Variants in SLC19A1 observed in about 807,000 individuals in gnomAD.
SLC19A1 encodes reduced folate transporter.
A neutral mutation model predicts 35.3 loss-of-function variants in SLC19A1; 37 were observed. The ratio of observed to expected loss-of-function variants is 1.05; its 90% CI spans 0.81 to 1.38. SLC19A1 has a LOEUF of 1.38. SLC19A1 is among the 40% of genes most tolerant of loss of function. The pLI, the probability that SLC19A1 is intolerant of heterozygous loss-of-function variation, is 0.00. For missense variants in SLC19A1, 831 were observed against 826.9 expected, an observed-to-expected ratio of 1.00 and a Z score of -0.06; for synonymous variants, 460 against 398.5, an observed-to-expected ratio of 1.15 and a Z score of -1.84.
In SLC19A1 at chr21:45,530,708, G is replaced by A. The variant is rs58227162; in HGVS notation, c.1151+62C>T. 80 of 1,502,056 alleles carry A rather than the reference G, an allele frequency of 5.3e-5. No homozygotes were observed. The highest frequency in any genetic ancestry group is 2.5e-4 in the East Asian group (10 of 39,850). 93.0% of individuals were successfully genotyped at this position (1,502,056 alleles called of 1,614,324 possible). On this transcript the variant is annotated intron_variant, in intron 4 of 5. Transcript: ENST00000311124. The surrounding 1 kb of genome is among the most constrained non-coding windows in gnomAD (Gnocchi z 5.3). ...CAGCAGGAAGGTGGGAGCACCCAGC[G>A]AAGCGCGGGGCTTGATCCTGGCGCC... is the stretch of plus-strand genomic sequence containing the variant.
intron 1 of SLC19A1, among the ~76,000 whole-genome samples, chr21:45,556,013 GCCCT>G (rs2078557719): frequency 6.6e-6 from 1 of 152,192 alleles, no homozygotes; most frequent in African/African-American, 2.4e-5. Context: ...GAAGACCCCC[GCCCT>G]AATCCTCTGA....
At chr21:45,525,110 A>G (rs2838956) in intron 5 of SLC19A1, among the ~76,000 whole-genome samples, 74,992 of 152,126 alleles carry the variant, frequency 0.49, 19,516 homozygotes, top group African/African-American at 0.67. Context: ...GAGTCACTGA[A>G]GCTGAACAGA....
In SLC19A1 at chr21:45,515,367, A is replaced by G. The variant is rs2037848392; in HGVS notation, c.*291T>C. 7.0e-7 allele frequency: 1 copy of G among 1,438,108 alleles called. No individual in the cohort carries two copies. Among genetic ancestry groups the G allele is most frequent in the African/African-American group, 1.4e-5 (1 of 69,596 alleles). 89.1% of individuals were successfully genotyped at this position (1,438,108 alleles called of 1,614,324 possible). ...AGAAAGGATTTGTCTCAAGCCCCCC[A>G]AGGGGCATGAGCCAGTGAGGCCTGG... On this transcript the variant is annotated 3_prime_UTR_variant, in exon 6 of 6. Transcript: ENST00000311124.
rs761354702 is a variant in SLC19A1, at chr21:45,530,787, G to C, written c.1134C>G (p.Phe378Leu). Residue 378 changes from phenylalanine to leucine, a missense_variant, in exon 4 of 6, where the codon TTC (phenylalanine) becomes TTG (leucine). By Grantham distance (22) the Phe-to-Leu change is conservative. Transcript: ENST00000311124. The surrounding 1 kb of genome is among the most constrained non-coding windows in gnomAD (Gnocchi z 5.3). ...GAACTCACGTGGCGATGGGCACGAG[G>C]AACTGGTAGGAGCCGCGGAACAGCA... ...AFVLFRGSYQ[F>L]LVPIATFQIA... 4 of 1,563,310 alleles carry C rather than the reference G, an allele frequency of 2.6e-6. No homozygotes were observed. Among genetic ancestry groups the C allele is most frequent in the Non-Finnish European group, 3.5e-6 (4 of 1,154,108 alleles).
Position 45,515,528 on chromosome 21 carries a change from G to C in SLC19A1, c.*130C>G. ...ACCGCCAGAGTGCGGCACAGGGCAG[G>C]GGGAATCCTAGGGGGCCTGCTAGCA... On this transcript the variant is annotated 3_prime_UTR_variant, in exon 6 of 6. Transcript: ENST00000311124. The C allele has an allele frequency of 6.5e-7, 1 of 1,530,896 alleles. No individual in the cohort carries two copies. Among genetic ancestry groups the C allele is most frequent in the Non-Finnish European group, 8.7e-7 (1 of 1,153,154 alleles). 94.8% of individuals were successfully genotyped at this position (1,530,896 alleles called of 1,614,324 possible). A position where few individuals can be genotyped will look rare whatever the true frequency, so the allele number is the denominator to read the frequency against.
chr21:45,528,088 G>A (rs2077710806), intron 4 of SLC19A1, among the ~76,000 whole-genome samples: 1 of 151,888 alleles, frequency 6.6e-6, no homozygotes, highest in Non-Finnish European at 1.5e-5. Context: ...TGGGGACAGT[G>A]GAGGCTCGGG....
Position 45,531,531 on chromosome 21 carries a change from C to T in SLC19A1, c.807G>A (p.Leu269=). 1 of 1,612,630 alleles carries T rather than the reference C, an allele frequency of 6.2e-7. No homozygotes were observed. The highest frequency in any genetic ancestry group is 8.5e-7 in the Non-Finnish European group (1 of 1,179,754). ...GDSLRRPQLR[L]WSLWWVFNSA... ...AGTTGAAGACCCACCAGAGGGACCA[C>T]AGGCGCAGCTGCGGCCGCCGCAGGC... Residue 269 remains leucine (L), a synonymous_variant, in exon 3 of 6, where the codon CTG becomes CTA. Transcript: ENST00000311124.
downstream of SLC19A1, among the ~76,000 whole-genome samples, chr21:45,508,520 G>A (rs367664040): frequency 1.1e-4 from 17 of 151,726 alleles, no homozygotes; most frequent in East Asian, 2.9e-3. Flanking sequence ...GTGGGTTAGT[G>A]GATGGGTGGG....
At position 45,534,483 on chromosome 21, in the gene SLC19A1, A is replaced by C. The variant is rs150745916; in HGVS notation, c.190-2335T>G. 6.4e-3 allele frequency: 8,693 copies of C among 1,362,224 alleles called. 47 individuals are homozygous for C. Among genetic ancestry groups the C allele is most frequent in the Middle Eastern group, 0.012 (71 of 5,706 alleles). The allele number at this position is 1,362,224 out of a possible 1,614,324, so 84.4% of individuals were successfully genotyped here. On this transcript the variant is annotated intron_variant, in intron 2 of 5. Coordinates refer to ENST00000311124, the MANE Select transcript of SLC19A1 (RefSeq NM_194255.4). This position sits in a 1 kb window ranked among gnomAD's most constrained non-coding sequence, Gnocchi z 4.2. ...GACAGCCAGCAGAGAGGCTCTCCCC[A>C]GACCCCACGGCTCTCTGGAAAAGGG... is the stretch of plus-strand genomic sequence containing the variant.
At chr21:45,563,017 A>G (rs537350979) in exon 1 of SLC19A1, among the ~76,000 whole-genome samples, 2 of 152,356 alleles carry the variant, frequency 1.3e-5, no homozygotes, top group Admixed American at 1.3e-4. Flanking sequence ...AAAGAGAAGC[A>G]GAAGTGACCC....
chr21:45,522,619 C>T (rs1476283339), intron 5 of SLC19A1, among the ~76,000 whole-genome samples: 2 of 152,224 alleles, frequency 1.3e-5, no homozygotes, highest in Non-Finnish European at 1.5e-5. Context: ...ATAAAGTGTG[C>T]TGTACCTACA....
chr21:45,560,392 G>C (rs1365950554), intron 1 of SLC19A1, among the ~76,000 whole-genome samples: 1 of 151,788 alleles, frequency 6.6e-6, no homozygotes, highest in Non-Finnish European at 1.5e-5. Flanking sequence ...GCAGGGAGGG[G>C]TCTTGGAGAC....
At position 45,530,596 on chromosome 21, in the gene SLC19A1, C is replaced by T. The variant is rs1029465141; in HGVS notation, c.1151+174G>A. ...AGCAGCAAGACGGCACAGGAAGGGACGCCCGAGGTCCCAGGGAGAGGCAAG... is the reference window on the plus strand; with the variant it reads ...AGCAGCAAGACGGCACAGGAAGGGATGCCCGAGGTCCCAGGGAGAGGCAAG... On this transcript the variant is annotated intron_variant, in intron 4 of 5. Transcript: ENST00000311124. This position sits in a 1 kb window ranked among gnomAD's most constrained non-coding sequence, Gnocchi z 5.3. Among the ~76,000 whole-genome samples, 6 of 152,124 alleles carry T rather than the reference C, an allele frequency of 3.9e-5. No homozygotes were observed. Among genetic ancestry groups the T allele is most frequent in the South Asian group, 2.1e-4 (1 of 4,834 alleles).
chr21:45,537,686 T>G, intron 2 of SLC19A1, 85 bp downstream of exon 2: 1 of 1,033,844 alleles, frequency 9.7e-7, no homozygotes, highest in Non-Finnish European at 1.2e-6. Flanking sequence ...CGCCCCCGCA[T>G]CCCGGCGCCC....
chr21:45,538,009 C>T lies in SLC19A1; in HGVS notation c.-49-1G>A. ...GGAGGGGACGAAGGTGACGCTGTGC[C>T]TGGAAGGAGGGGTGGAGTCAGGGCA... On this transcript the variant is annotated splice_acceptor_variant, in intron 1 of 5. Transcript: ENST00000311124. LOFTEE classifies it low-confidence loss of function (5UTR_SPLICE). The T allele has an allele frequency of 3.5e-6, 5 of 1,411,776 alleles. No individual in the cohort carries two copies. The highest frequency in any genetic ancestry group is 4.7e-6 in the Non-Finnish European group (5 of 1,069,246). 87.5% of individuals were successfully genotyped at this position (1,411,776 alleles called of 1,614,324 possible).
At chr21:45,528,502 G>A (rs1418241651) in intron 4 of SLC19A1, among the ~76,000 whole-genome samples, 1 of 152,094 alleles carries the variant, frequency 6.6e-6, no homozygotes, top group Non-Finnish European at 1.5e-5. Context: ...CCCGTCAGGG[G>A]CTCAGGGAGG....
chr21:45,551,468 C>T lies in SLC19A1; in HGVS notation c.-50+11274G>A, dbSNP rs558784860. ...GGGCACCTTTGGCCAGGCCCATGGA[C>T]GCTGTGTCACTACACTTGTTGCTGT... On this transcript the variant is annotated intron_variant, in intron 1 of 5. Coordinates refer to the SLC19A1 transcript ENST00000650808. 2.6e-5 allele frequency among the ~76,000 whole-genome samples: 4 copies of T among 152,288 alleles called. No individual in the cohort carries two copies. The South Asian group carries it at 8.3e-4, about 32-fold the overall frequency.
At position 45,526,472 on chromosome 21, in the gene SLC19A1, C is replaced by T. The variant is rs143601436; in HGVS notation, c.1152-514G>A. Among the ~76,000 whole-genome samples the T allele has an allele frequency of 3.2e-3, 483 of 151,996 alleles. 4 individuals carry two copies. The highest frequency in any genetic ancestry group is 0.011 in the African/African-American group (444 of 41,262). ...TTTTGTGCATGAAGAAACTTTTGAC[C>T]GTGTTCTGAGACTCGTCAAACAAGG... is the stretch of plus-strand genomic sequence containing the variant. On this transcript the variant is annotated intron_variant, in intron 4 of 5. Coordinates refer to ENST00000311124, the MANE Select transcript of SLC19A1 (RefSeq NM_194255.4).
chr21:45,516,273 G>A lies in SLC19A1; in HGVS notation c.1294-133C>T, dbSNP rs79577186. On this transcript the variant is annotated intron_variant, in intron 5 of 5. Transcript: ENST00000311124. Reference sequence around the variant, plus strand: ...GACCCTGAACACTGCACAGCGGTCAGAGGCCAGCCCCAGGAGCAGGTGCCA... The same window carrying A: ...GACCCTGAACACTGCACAGCGGTCAAAGGCCAGCCCCAGGAGCAGGTGCCA... 5,379 of 685,790 alleles carry A rather than the reference G, an allele frequency of 7.8e-3. 234 individuals carry two copies. In the African/African-American group the frequency reaches 0.087, roughly 11 times the overall value. The allele number at this position is 685,790 out of a possible 1,614,324, so 42.5% of individuals were successfully genotyped here. A position where few individuals can be genotyped will look rare whatever the true frequency, so the allele number is the denominator to read the frequency against.
Sources: allele counts gnomAD v4.1 joint callset (sites outside exome capture counted in the v4.1 genomes callset), GRCh38; gene constraint gnomAD v4.1.1; non-coding constraint Gnocchi (gnomAD v3.1); transcripts MANE v1.5; gene names NCBI Gene and HGNC (gene_info 2026-07-23, HGNC 2026-07-21).